Variants in APPBP2 observed in about 807,000 individuals in gnomAD.
APPBP2 encodes the protein amyloid protein-binding protein 2.
A neutral mutation model predicts 76.0 loss-of-function variants in APPBP2; 15 were observed. The observed-to-expected ratio is 0.20, with a 90% confidence interval of 0.13 to 0.30. The LOEUF (loss-of-function observed/expected upper bound fraction) is 0.30, where lower values mean the gene tolerates loss of function less well. Among genes scored for constraint, APPBP2 ranks in the 10% least tolerant of loss-of-function variants. APPBP2 has a pLI of 1.00. For missense variants in APPBP2, 401 were observed against 687.2 expected (o/e 0.58, Z 4.66); for synonymous variants, 222 against 242.2 (o/e 0.92, Z 0.77).
At chr17:60,450,710 T>C (rs1398651917) in intron 12 of APPBP2, among the ~76,000 whole-genome samples, 14 of 150,648 alleles carry the variant, frequency 9.3e-5, no homozygotes, top group Non-Finnish European at 1.8e-4. Context: ...ACTCAGGAGA[T>C]TGAGGCTGCA....
intron 3 of APPBP2, among the ~76,000 whole-genome samples, chr17:60,493,385 A>G (rs1334798155): frequency 6.6e-6 from 1 of 152,222 alleles, no homozygotes; most frequent in East Asian, 1.9e-4. Context: ...TGAAACACAC[A>G]TCTAAACAGA....
At chr17:60,496,904 AG>A (rs775227649) in intron 2 of APPBP2, among the ~76,000 whole-genome samples, 1 of 152,050 alleles carries the variant, frequency 6.6e-6, no homozygotes, top group Non-Finnish European at 1.5e-5. Context: ...TATTTTTAGT[AG>A]AGACAAGATT....
chr17:60,468,826 A>G (rs1453305310), intron 4 of APPBP2, among the ~76,000 whole-genome samples: 1 of 152,234 alleles, frequency 6.6e-6, no homozygotes, highest in Non-Finnish European at 1.5e-5. Flanking sequence ...ATAACATAAA[A>G]TTATGTCTAC....
intron 10 of APPBP2, among the ~76,000 whole-genome samples, chr17:60,454,921 G>T (rs149676611): frequency 2.0e-5 from 3 of 152,234 alleles, no homozygotes; most frequent in East Asian, 3.9e-4. Context: ...ACGGCTAAAA[G>T]AACTGATTTC....
chr17:60,472,442 G>A (rs1251069647), intron 4 of APPBP2, among the ~76,000 whole-genome samples: 1 of 152,136 alleles, frequency 6.6e-6, no homozygotes, highest in African/African-American at 2.4e-5. Context: ...TAATTCACTG[G>A]TGTTCAACTG....
intron 3 of APPBP2, among the ~76,000 whole-genome samples, chr17:60,491,732 T>C (rs768064531): frequency 1.3e-5 from 2 of 152,232 alleles, no homozygotes; most frequent in Non-Finnish European, 1.5e-5. Flanking sequence ...AGGTGTGAGC[T>C]ACTGCACCCA....
At chr17:60,498,457 T>G (rs971934870) in intron 2 of APPBP2, among the ~76,000 whole-genome samples, 1 of 152,160 alleles carries the variant, frequency 6.6e-6, no homozygotes, top group Non-Finnish European at 1.5e-5. Context: ...TGCATACATA[T>G]GTTCACCAAA....
intron 4 of APPBP2, among the ~76,000 whole-genome samples, chr17:60,471,836 G>A (rs1276353707): frequency 2.0e-5 from 3 of 152,040 alleles, no homozygotes; most frequent in Admixed American, 6.6e-5. Context: ...CTTTTAAAAC[G>A]AGTTAGGGGC....
At chr17:60,455,342 A>C (rs2090423885) in intron 10 of APPBP2, among the ~76,000 whole-genome samples, 1 of 152,210 alleles carries the variant, frequency 6.6e-6, no homozygotes, top group Admixed American at 6.5e-5. Flanking sequence ...ATTTTAAGGC[A>C]ATTTATTTTT....
At chr17:60,453,387 T>C (rs1479075144) in intron 11 of APPBP2, among the ~76,000 whole-genome samples, 2 of 152,020 alleles carry the variant, frequency 1.3e-5, no homozygotes, top group African/African-American at 4.8e-5. Flanking sequence ...TTTCACCATG[T>C]TGGCCAGGCT....
At chr17:60,494,318 A>G in intron 3 of APPBP2, 148 bp downstream of exon 3, 1 of 723,164 alleles carries the variant, frequency 1.4e-6, no homozygotes, top group Admixed American at 3.3e-5. Context: ...GTATAGTATA[A>G]TGCTTTGGCA....
rs767371291 is a variant in APPBP2 at position 60,525,788 on chromosome 17, G to A, written c.138+6C>T. ...GGAGAGCAGAGAGGAGGCCCACGGC[G>A]CATACCTTGTAGTAAACATCAAACT... On this transcript the variant is annotated splice_donor_region_variant and intron_variant, in intron 1 of 12. Coordinates refer to ENST00000083182, the MANE Select transcript of APPBP2 (RefSeq NM_006380.5). The A allele has an allele frequency of 1.9e-6, 3 of 1,613,702 alleles. No homozygotes were observed. The highest frequency in any genetic ancestry group is 1.7e-5 in the Admixed American group (1 of 59,968).
In APPBP2 at chr17:60,513,501, C is replaced by T. The variant is rs80140784; in HGVS notation, c.138+12293G>A. 5.8e-3 allele frequency: 3,195 copies of T among 551,060 alleles called. 86 individuals carry two copies. The highest frequency in any genetic ancestry group is 0.052 in the African/African-American group (2,688 of 51,800). 34.1% of individuals were successfully genotyped at this position (551,060 alleles called of 1,614,324 possible). On this transcript the variant is annotated intron_variant, in intron 1 of 12. Transcript: ENST00000083182. ...GAAGATGGACACGAAGAAGGAGGAACAGCTGAAGCTTCTCACGGAGAAATA... is the reference window on the plus strand; with the variant it reads ...GAAGATGGACACGAAGAAGGAGGAATAGCTGAAGCTTCTCACGGAGAAATA...
At chr17:60,493,633 C>CTTTTTTT (rs150636419) in intron 3 of APPBP2, among the ~76,000 whole-genome samples, 1 of 141,698 alleles carries the variant, frequency 7.1e-6, no homozygotes, top group African/African-American at 2.7e-5. Flanking sequence ...CATGCCCAGC[C>CTTTTTTT]TTTTTTTTTT....
At chr17:60,523,531 G>A (rs1170766535) in intron 1 of APPBP2, among the ~76,000 whole-genome samples, 5 of 152,128 alleles carry the variant, frequency 3.3e-5, no homozygotes, top group Admixed American at 3.3e-4. Context: ...TGCTAATAGT[G>A]TTTAAAAGGA....
At chr17:60,461,260 A>ATAT (rs2090474258) in intron 8 of APPBP2, 1 of 153,844 alleles carries the variant, frequency 6.5e-6, no homozygotes, top group Admixed American at 6.5e-5. Flanking sequence ...CTGTAATCCC[A>ATAT]GATACTCAGG....
At chr17:60,491,932 G>C (rs773540670) in intron 3 of APPBP2, among the ~76,000 whole-genome samples, 5 of 152,052 alleles carry the variant, frequency 3.3e-5, no homozygotes, top group African/African-American at 4.8e-5. Flanking sequence ...GGACATTTCA[G>C]AGAACTTTGT....
At chr17:60,461,509 G>A (rs1420841310) in intron 8 of APPBP2, 2 of 256,172 alleles carry the variant, frequency 7.8e-6, no homozygotes, top group African/African-American at 4.5e-5. Context: ...GGCAGTTTTA[G>A]TGACATTTGC....
At chr17:60,472,505 T>C (rs893737825) in intron 4 of APPBP2, among the ~76,000 whole-genome samples, 1 of 152,230 alleles carries the variant, frequency 6.6e-6, no homozygotes, top group Non-Finnish European at 1.5e-5. Context: ...GGTAGTAATG[T>C]TCCAAGTCCC....
Sources: allele counts gnomAD v4.1 joint callset (sites outside exome capture counted in the v4.1 genomes callset), GRCh38; gene constraint gnomAD v4.1.1; transcripts MANE v1.5; gene names NCBI Gene and HGNC (gene_info 2026-07-23, HGNC 2026-07-21).